TAS2R1: variants seen among roughly 807,000 people sequenced by gnomAD.
The protein encoded by TAS2R1 is taste 2 receptor member 1, also known as taste receptor type 2 member 1.
For missense variants in TAS2R1, 370 were observed against 353.4 expected, an observed-to-expected ratio of 1.05 and a Z score of -0.38; for synonymous variants, 141 against 134.2, an observed-to-expected ratio of 1.05 and a Z score of -0.35.
the TAS2R1 span, among the ~76,000 whole-genome samples, chr5:9,840,898 T>G: frequency 7.3e-6 from 1 of 137,138 alleles, no homozygotes; most frequent in African/African-American, 2.7e-5. Flanking sequence ...TTTTTTGAGA[T>G]GGAGTCTCAC....
chr5:9,638,854 A>G (rs768583977), intron 2 of TAS2R1, among the ~76,000 whole-genome samples: 2 of 152,086 alleles, frequency 1.3e-5, no homozygotes, highest in Non-Finnish European at 2.9e-5. Flanking sequence ...TATTCCAGAG[A>G]GAATCTTGGC....
At chr5:9,890,155 G>A in the TAS2R1 span, among the ~76,000 whole-genome samples, 2 of 152,116 alleles carry the variant, frequency 1.3e-5, no homozygotes, top group East Asian at 3.9e-4. Flanking sequence ...CAGTTTTCAT[G>A]AACAAGTTGA....
At chr5:9,780,996 C>A in the TAS2R1 span, among the ~76,000 whole-genome samples, 1 of 152,200 alleles carries the variant, frequency 6.6e-6, no homozygotes, top group East Asian at 1.9e-4. Flanking sequence ...CCAGCTCCCA[C>A]AATTGTGTGA....
At chr5:9,886,973 C>A in the TAS2R1 span, among the ~76,000 whole-genome samples, 1 of 152,206 alleles carries the variant, frequency 6.6e-6, no homozygotes, top group Non-Finnish European at 1.5e-5. Flanking sequence ...ACCACCGCCA[C>A]TGGAATGTTC....
the TAS2R1 span, among the ~76,000 whole-genome samples, chr5:9,762,088 A>T: frequency 6.6e-6 from 1 of 152,136 alleles, no homozygotes; most frequent in South Asian, 2.1e-4. Context: ...CCTCCTCTTT[A>T]TTACAAGAAC....
chr5:9,799,092 C>A, the TAS2R1 span, among the ~76,000 whole-genome samples: 3 of 152,334 alleles, frequency 2.0e-5, no homozygotes, highest in South Asian at 4.1e-4. Flanking sequence ...GTGCCTCCCC[C>A]TCACCAATGC....
the TAS2R1 span, among the ~76,000 whole-genome samples, chr5:9,837,046 G>A: frequency 6.6e-6 from 1 of 152,148 alleles, no homozygotes; most frequent in Non-Finnish European, 1.5e-5. Flanking sequence ...GGCTGAAATT[G>A]GAACTCAATG....
intron 1 of TAS2R1, among the ~76,000 whole-genome samples, chr5:9,679,708 T>C (rs1219096538): frequency 3.9e-5 from 6 of 152,190 alleles, no homozygotes; most frequent in Non-Finnish European, 2.9e-5. Context: ...TAGAATGATA[T>C]ATGTGGAAAG....
chr5:9,794,523 CT>C, the TAS2R1 span, among the ~76,000 whole-genome samples: 1 of 152,094 alleles, frequency 6.6e-6, no homozygotes, highest in East Asian at 1.9e-4. Context: ...AGTGATCATT[CT>C]TATTTTACAC....
At chr5:9,780,514 C>A in the TAS2R1 span, among the ~76,000 whole-genome samples, 1 of 152,228 alleles carries the variant, frequency 6.6e-6, no homozygotes, top group Non-Finnish European at 1.5e-5. Context: ...GTTGCTTCTT[C>A]TCCATCTCCA....
intron 1 of TAS2R1, among the ~76,000 whole-genome samples, chr5:9,688,563 G>C (rs1343772332): frequency 1.3e-5 from 2 of 152,104 alleles, no homozygotes; most frequent in African/African-American, 4.8e-5. Context: ...GCAGCTCTGT[G>C]TGCTTGGTCA....
chr5:9,783,095 C>T, the TAS2R1 span, among the ~76,000 whole-genome samples: 4 of 152,102 alleles, frequency 2.6e-5, no homozygotes, highest in Admixed American at 6.5e-5. Flanking sequence ...TCTGCAGCCC[C>T]GTTGCCTTCT....
At chr5:9,839,559 T>G in the TAS2R1 span, among the ~76,000 whole-genome samples, 4 of 152,330 alleles carry the variant, frequency 2.6e-5, no homozygotes, top group African/African-American at 9.6e-5. Context: ...AAGGTGTGTT[T>G]CTACGCTGAA....
At chr5:9,902,315 C>A in the TAS2R1 span, among the ~76,000 whole-genome samples, 1 of 152,040 alleles carries the variant, frequency 6.6e-6, no homozygotes, top group Non-Finnish European at 1.5e-5. Context: ...TAGAATGTTA[C>A]TGTGCTTTTG....
the TAS2R1 span, among the ~76,000 whole-genome samples, chr5:9,756,509 G>A: frequency 6.6e-6 from 1 of 152,122 alleles, no homozygotes; most frequent in Non-Finnish European, 1.5e-5. Flanking sequence ...CTCAAGAGGA[G>A]GTTAAGCATC....
At chr5:9,903,344 A>G in the TAS2R1 span, among the ~76,000 whole-genome samples, 4 of 152,064 alleles carry the variant, frequency 2.6e-5, no homozygotes, top group South Asian at 8.4e-4. Context: ...ATTTTTTCCA[A>G]TAGGTTTTTG....
At chr5:9,637,835 T>G (rs148450332) in intron 2 of TAS2R1, among the ~76,000 whole-genome samples, 56 of 152,316 alleles carry the variant, frequency 3.7e-4, no homozygotes, top group African/African-American at 1.3e-3. Context: ...TATCCTACAT[T>G]TTTAAAATTT....
the TAS2R1 span, among the ~76,000 whole-genome samples, chr5:9,896,698 T>C: frequency 2.6e-5 from 4 of 152,236 alleles, no homozygotes; most frequent in Non-Finnish European, 5.9e-5. Flanking sequence ...TTGCCATGCC[T>C]GTTTGGCAAT....
At chr5:9,759,863 T>A in the TAS2R1 span, among the ~76,000 whole-genome samples, 1 of 151,402 alleles carries the variant, frequency 6.6e-6, no homozygotes, top group Non-Finnish European at 1.5e-5. Flanking sequence ...TTCCTCTTGC[T>A]TTTCCCTTTC....
Sources: allele counts gnomAD v4.1 joint callset (sites outside exome capture counted in the v4.1 genomes callset), GRCh38; gene constraint gnomAD v4.1.1; transcripts MANE v1.5; gene names NCBI Gene and HGNC (gene_info 2026-07-23, HGNC 2026-07-21).